Variants in UBP1 observed in about 807,000 individuals in gnomAD.
UBP1 encodes upstream binding protein 1.
UBP1 carries 22 observed loss-of-function variants against 76.1 expected under a neutral mutation model. The ratio of observed to expected loss-of-function variants is 0.29; its 90% CI spans 0.21 to 0.41. UBP1 has a LOEUF of 0.41. UBP1 is among the 10% of genes least tolerant of loss of function. UBP1 has a pLI of 1.00. For synonymous variants in UBP1, 224 were observed against 237.1 expected (o/e 0.94, Z 0.51); for missense variants, 436 against 668.1 (o/e 0.65, Z 3.83).
chr3:33,403,043 CAT>C (rs1173237686), intron 8 of UBP1, 139 bp from the exon 9 acceptor site: 14 of 758,420 alleles, frequency 1.8e-5, no homozygotes, highest in African/African-American at 1.1e-4. Context: ...CTCACAGACA[CAT>C]GTCAAATTTA....
chr3:33,407,660 C>T (rs1302749408), intron 8 of UBP1, among the ~76,000 whole-genome samples: 4 of 151,506 alleles, frequency 2.6e-5, no homozygotes, highest in Admixed American at 6.6e-5. Flanking sequence ...CATTTTTATT[C>T]GATACTATAA....
At chr3:33,433,061 GT>G (rs888043645) in intron 1 of UBP1, among the ~76,000 whole-genome samples, 3 of 151,544 alleles carry the variant, frequency 2.0e-5, no homozygotes, top group Non-Finnish European at 4.4e-5. Flanking sequence ...AAAACTCAGA[GT>G]TTTTTGTTTT....
chr3:33,406,273 AC>A (rs2044425031), intron 8 of UBP1, among the ~76,000 whole-genome samples: 2 of 152,022 alleles, frequency 1.3e-5, no homozygotes, highest in South Asian at 4.2e-4. Context: ...AAAAAACTAG[AC>A]CCTTGTTTTT....
At chr3:33,420,289 A>G (rs1413548365) in intron 2 of UBP1, among the ~76,000 whole-genome samples, 1 of 152,200 alleles carries the variant, frequency 6.6e-6, no homozygotes, top group Non-Finnish European at 1.5e-5. Context: ...TCCAATAAAC[A>G]TGCTGTTTCT....
chr3:33,433,849 C>T (rs564365397), intron 1 of UBP1, among the ~76,000 whole-genome samples: 4 of 151,338 alleles, frequency 2.6e-5, no homozygotes, highest in Non-Finnish European at 5.9e-5. Context: ...GGAATTAGAG[C>T]CTGTAGTGTG....
chr3:33,390,479 T>C, intron 15 of UBP1, 111 bp from the exon 16 acceptor site: 1 of 1,123,294 alleles, frequency 8.9e-7, no homozygotes, highest in Non-Finnish European at 1.3e-6. Context: ...AGAGGTTACC[T>C]TTAAATGATT....
chr3:33,412,228 C>G (rs12493761), intron 4 of UBP1, among the ~76,000 whole-genome samples: 2 of 147,934 alleles, frequency 1.4e-5, no homozygotes, highest in East Asian at 4.0e-4. Context: ...TACAATTAAA[C>G]GGTTTCAAAA....
chr3:33,437,761 G>T (rs1308454837), intron 1 of UBP1, among the ~76,000 whole-genome samples: 4 of 152,194 alleles, frequency 2.6e-5, no homozygotes, highest in Non-Finnish European at 4.4e-5. Context: ...CCAGGGCCAG[G>T]CATGGAAAGT....
intron 13 of UBP1, among the ~76,000 whole-genome samples, chr3:33,394,170 C>T (rs1008424125): frequency 1.1e-4 from 17 of 149,242 alleles, no homozygotes; most frequent in African/African-American, 2.2e-4. Flanking sequence ...TGGGGGCACA[C>T]GCCACCATGC....
intron 8 of UBP1, 109 bp downstream of exon 8, chr3:33,408,581 C>G: frequency 1.3e-6 from 1 of 755,050 alleles, no homozygotes. Context: ...TAAATCAAGA[C>G]ATGGACATCA....
intron 1 of UBP1, among the ~76,000 whole-genome samples, chr3:33,439,077 ATGAC>A: frequency 6.6e-6 from 1 of 152,338 alleles, no homozygotes; most frequent in South Asian, 2.1e-4. Context: ...ATTAAAATGA[ATGAC>A]TGCTGGTACA....
At chr3:33,393,759 T>C (rs1008476107) in intron 13 of UBP1, among the ~76,000 whole-genome samples, 10 of 152,188 alleles carry the variant, frequency 6.6e-5, no homozygotes, top group Admixed American at 6.5e-4. Flanking sequence ...TCAATGAATA[T>C]AGTTTCATGT....
At chr3:33,426,297 A>C (rs1434932858) in intron 1 of UBP1, among the ~76,000 whole-genome samples, 1 of 152,030 alleles carries the variant, frequency 6.6e-6, no homozygotes, top group African/African-American at 2.4e-5. Context: ...TCCTACTGAG[A>C]GGTAAACAGG....
In UBP1 at chr3:33,409,227, C is replaced by G. The variant is rs759064531; in HGVS notation, c.819+9G>C. ...TTCTCTTCCAAAACCAAATGCTTTACTACATTACCTCTGTGAGGATTGTGG... is the reference window on the plus strand; with the variant it reads ...TTCTCTTCCAAAACCAAATGCTTTAGTACATTACCTCTGTGAGGATTGTGG... On this transcript the variant is annotated intron_variant, in intron 7 of 15. Transcript: ENST00000283629. 1.9e-6 allele frequency: 3 copies of G among 1,612,878 alleles called. No individual in the cohort carries two copies. The African/African-American group carries it at 4.0e-5, about 22-fold the overall frequency.
intron 11 of UBP1, chr3:33,397,346 A>G: frequency 2.5e-6 from 1 of 402,608 alleles, no homozygotes; most frequent in Non-Finnish European, 4.4e-6. Flanking sequence ...ATCAAGAAGG[A>G]GCTTAGAAGT....
At chr3:33,439,265 C>G (rs1372722807) in intron 1 of UBP1, among the ~76,000 whole-genome samples, 1 of 152,218 alleles carries the variant, frequency 6.6e-6, no homozygotes, top group Non-Finnish European at 1.5e-5. Flanking sequence ...TTATAATTTA[C>G]TAACATCAAG....
chr3:33,432,646 CAT>C (rs1470699686), intron 1 of UBP1, among the ~76,000 whole-genome samples: 1 of 152,136 alleles, frequency 6.6e-6, no homozygotes, highest in East Asian at 1.9e-4. Context: ...CAAAAAATTA[CAT>C]GTTTCTAAAA....
chr3:33,421,202 C>A (rs1257649288), intron 2 of UBP1, among the ~76,000 whole-genome samples: 1 of 151,684 alleles, frequency 6.6e-6, no homozygotes, highest in Non-Finnish European at 1.5e-5. Flanking sequence ...CATTTTGGGA[C>A]TACAGTTTTT....
At chr3:33,417,292 C>T (rs78036451) in intron 2 of UBP1, among the ~76,000 whole-genome samples, 1 of 151,960 alleles carries the variant, frequency 6.6e-6, no homozygotes, top group African/African-American at 2.4e-5. Flanking sequence ...ATCCCTCCCC[C>T]ACCCCCCACC....
Sources: gnomAD v4.1 joint callset for allele counts (sites outside exome capture counted in the v4.1 genomes callset) on GRCh38, gnomAD v4.1.1 for gene constraint, MANE v1.5 for transcripts, NCBI Gene and HGNC (gene_info 2026-07-23, HGNC 2026-07-21) for gene names.